Variants in PPM1H observed in about 807,000 individuals in gnomAD.
PPM1H encodes the protein protein phosphatase 1H.
Under a neutral mutation model 54.9 loss-of-function variants are expected in PPM1H, and 27 were observed. The ratio of observed to expected loss-of-function variants is 0.49; its 90% CI spans 0.36 to 0.68. The LOEUF (loss-of-function observed/expected upper bound fraction) is 0.68, where lower values mean the gene tolerates loss of function less well. Among genes scored for constraint, PPM1H ranks in the 30% least tolerant of loss-of-function variants. The pLI is 0.00. For missense variants in PPM1H, 596 were observed against 667.8 expected (o/e 0.89, Z 1.19); for synonymous variants, 305 against 270.8 (o/e 1.13, Z -1.24).
At position 62,720,818 on chromosome 12, in the gene PPM1H, C is replaced by G. The variant is rs144122007; in HGVS notation, c.955-529G>C. Reference sequence around the variant, plus strand: ...TCTGCAGTCATTTGATCGTGTCATTCGAAGACTATTCTGGAGCAGATGGCT... The same window carrying G: ...TCTGCAGTCATTTGATCGTGTCATTGGAAGACTATTCTGGAGCAGATGGCT... On this transcript the variant is annotated intron_variant, in intron 5 of 9. Coordinates refer to ENST00000228705, the MANE Select transcript of PPM1H (RefSeq NM_020700.2). 679 of 154,270 alleles carry G rather than the reference C, an allele frequency of 4.4e-3. 13 individuals carry two copies. The highest frequency in any genetic ancestry group is 0.028 in the East Asian group (148 of 5,256). 9.6% of individuals were successfully genotyped at this position (154,270 alleles called of 1,614,324 possible).
chr12:62,696,668 G>A (rs148551563), intron 6 of PPM1H, among the ~76,000 whole-genome samples: 108 of 152,314 alleles, frequency 7.1e-4, no homozygotes, highest in African/African-American at 2.5e-3. Flanking sequence ...AATCACAGCA[G>A]CTATGATTTA....
intron 9 of PPM1H, among the ~76,000 whole-genome samples, chr12:62,651,472 T>C (rs1018538693): frequency 6.6e-6 from 1 of 152,238 alleles, no homozygotes; most frequent in African/African-American, 2.4e-5. Context: ...CTAGTGACTT[T>C]GCATATTTTT....
chr12:62,757,096 A>G lies in PPM1H; in HGVS notation c.870-19510T>C, dbSNP rs180853711. Among the ~76,000 whole-genome samples the G allele has an allele frequency of 1.9e-3, 297 of 152,308 alleles. 1 individual carries two copies. The highest frequency in any genetic ancestry group is 0.01 in the Middle Eastern group (3 of 294). On this transcript the variant is annotated intron_variant, in intron 4 of 9. Coordinates refer to ENST00000228705, the MANE Select transcript of PPM1H (RefSeq NM_020700.2). ...GACAGAAACCCATGGCCAAAGAGGC[A>G]CTGAGAGGCACTGTTTGGTCCTCGT... is the stretch of plus-strand genomic sequence containing the variant.
At chr12:62,932,628 C>CTTGTTTTTTTTTT (rs1872176998) in intron 1 of PPM1H, among the ~76,000 whole-genome samples, 2 of 54,012 alleles carry the variant, frequency 3.7e-5, no homozygotes, top group Non-Finnish European at 6.4e-5. Flanking sequence ...TCCAAATGGG[C>CTTGTTTTTTTTTT]TTTTTTTTTT....
chr12:62,677,314 C>T (rs2075993329), intron 8 of PPM1H, among the ~76,000 whole-genome samples: 1 of 152,204 alleles, frequency 6.6e-6, no homozygotes, highest in East Asian at 1.9e-4. Context: ...AGAATTGTAA[C>T]ACAAACAGTG....
chr12:62,817,137 G>GAAAAAAAAAAAAAAAAAAAAAAAAAAAAA (rs748440124), intron 2 of PPM1H, among the ~76,000 whole-genome samples: 43 of 67,306 alleles, frequency 6.4e-4, no homozygotes, highest in Admixed American at 9.6e-4. Context: ...AAAAAAAAAA[G>GAAAAAAAAAAAAAAAAAAAAAAAAAAAAA]AAAAAAAAAA....
rs1362128010 is a variant in PPM1H, at chr12:62,647,182, T to G, written c.*1307A>C. ...GCACTGTGCCTGCTGCTGCTGCTCT[T>G]GTGGCGAACACTCAGATGTGGAACC... On this transcript the variant is annotated 3_prime_UTR_variant, in exon 10 of 10. Transcript: ENST00000228705. 3 of 152,246 alleles carry G rather than the reference T, an allele frequency of 2.0e-5. No individual in the cohort carries two copies. Among genetic ancestry groups the G allele is most frequent in the Non-Finnish European group, 4.4e-5 (3 of 68,082 alleles). The allele number at this position is 152,246 out of a possible 1,614,324, so 9.4% of individuals were successfully genotyped here.
At chr12:62,753,082 T>C (rs7961151) in intron 4 of PPM1H, among the ~76,000 whole-genome samples, 65,335 of 152,014 alleles carry the variant, frequency 0.43, 14,414 homozygotes, top group Non-Finnish European at 0.48. Context: ...TATATGCTAG[T>C]TAAATTATAA....
At chr12:62,927,780 T>G (rs573865577) in intron 1 of PPM1H, among the ~76,000 whole-genome samples, 1 of 152,134 alleles carries the variant, frequency 6.6e-6, no homozygotes, top group South Asian at 2.1e-4. Flanking sequence ...ATGATCAGCT[T>G]TTATTTTTTT....
intron 6 of PPM1H, among the ~76,000 whole-genome samples, chr12:62,702,617 G>A (rs982019285): frequency 7.3e-5 from 11 of 150,482 alleles, no homozygotes; most frequent in Non-Finnish European, 1.5e-4. Flanking sequence ...AATTCCCTTA[G>A]CAAGACTTCA....
chr12:62,798,470 T>C (rs1030390284), intron 3 of PPM1H, among the ~76,000 whole-genome samples: 5 of 152,160 alleles, frequency 3.3e-5, no homozygotes, highest in Non-Finnish European at 5.9e-5. Flanking sequence ...CCATAGTGGA[T>C]TGGGGGCCCA....
At chr12:62,773,672 T>C (rs2076592048) in intron 4 of PPM1H, among the ~76,000 whole-genome samples, 1 of 152,064 alleles carries the variant, frequency 6.6e-6, no homozygotes, top group Non-Finnish European at 1.5e-5. Flanking sequence ...AGAGGCAACC[T>C]TAACATCCAA....
intron 2 of PPM1H, among the ~76,000 whole-genome samples, chr12:62,823,975 T>C (rs956709358): frequency 2.0e-5 from 3 of 152,156 alleles, no homozygotes; most frequent in Non-Finnish European, 4.4e-5. Context: ...TGTTTGCAGA[T>C]GACATGATTG....
chr12:62,818,306 G>T lies in PPM1H; in HGVS notation c.411+13808C>A, dbSNP rs115129461. ...AATATTTGGGAACTAAGAAGAAAAAGCTCTTGGAAAAGCTGTGTTTTCACC... is the reference window on the plus strand; with the variant it reads ...AATATTTGGGAACTAAGAAGAAAAATCTCTTGGAAAAGCTGTGTTTTCACC... On this transcript the variant is annotated intron_variant, in intron 2 of 9. Transcript: ENST00000228705. Among the ~76,000 whole-genome samples the T allele has an allele frequency of 5.9e-3, 895 of 152,176 alleles. 15 individuals are homozygous for T. The highest frequency in any genetic ancestry group is 0.021 in the African/African-American group (857 of 41,504).
chr12:62,911,432 TTTG>T (rs1871457004), intron 1 of PPM1H, among the ~76,000 whole-genome samples: 2 of 152,162 alleles, frequency 1.3e-5, no homozygotes, highest in Admixed American at 6.5e-5. Context: ...AAGAAATATG[TTTG>T]TTATCTTGTA....
At position 62,805,467 on chromosome 12, in the gene PPM1H, G is replaced by A. The variant is rs376817552; in HGVS notation, c.412-3307C>T. 1.5e-3 allele frequency among the ~76,000 whole-genome samples: 221 copies of A among 152,288 alleles called. 3 individuals are homozygous for A. The highest frequency in any genetic ancestry group is 4.5e-3 in the African/African-American group (188 of 41,550). On this transcript the variant is annotated intron_variant, in intron 2 of 9. Transcript: ENST00000228705. The stretch of plus-strand genomic sequence containing the variant: ...CTTAGCATCCATCAACAGATGAATG[G>A]TAAAGAAAATGTGGTGTATATTATT...
rs758761369 is a variant in PPM1H at position 62,741,570 on chromosome 12, TTC to T, written c.870-3986_870-3985del. 2.0e-5 allele frequency among the ~76,000 whole-genome samples: 3 copies of T among 152,234 alleles called. No individual in the cohort carries two copies. The East Asian group carries it at 5.8e-4, about 29-fold the overall frequency. ...TTCTTCCTTCTCATGGTTAGCCCAT[TTC>T]TCTGAGTCAGCTCAGAACGCCTTCT... On this transcript the variant is annotated intron_variant, in intron 4 of 9. Transcript: ENST00000228705.
chr12:62,648,565 G>C lies in PPM1H; in HGVS notation c.1469C>G (p.Ser490Cys). 1 of 1,613,956 alleles carries C rather than the reference G, an allele frequency of 6.2e-7. No individual in the cohort carries two copies. The highest frequency in any genetic ancestry group is 8.5e-7 in the Non-Finnish European group (1 of 1,179,894). The part of the protein sequence containing the change: ...GVLKDRGWRI[S>C]NDRLGSGDDI... ...GTCTCCTGAGCCCAGTCGGTCATTA[G>C]ATATCCGCCATCCTCTGTCCTTCAG... Residue 490 changes from serine (S) to cysteine (C), a missense_variant, in exon 10 of 10, where the codon TCT (serine) becomes TGT (cysteine). This residue lies in a region of PPM1H where 208 missense variants were observed against 259.5 expected (regional missense o/e 0.80). Transcript: ENST00000228705.
intron 2 of PPM1H, among the ~76,000 whole-genome samples, chr12:62,830,366 C>T (rs577997964): frequency 4.1e-4 from 63 of 152,244 alleles, no homozygotes; most frequent in South Asian, 8.3e-4. Flanking sequence ...CGCCATTCTT[C>T]TGCCTCAGCC....
Sources: gnomAD v4.1 joint callset for allele counts (sites outside exome capture counted in the v4.1 genomes callset) on GRCh38, gnomAD v4.1.1 for gene constraint, gnomAD v4.1.1 regional missense constraint, MANE v1.5 for transcripts, NCBI Gene and HGNC (gene_info 2026-07-23, HGNC 2026-07-21) for gene names.